Variants in RYR2 observed in about 807,000 individuals in gnomAD.
RYR2 encodes the protein ryanodine receptor 2, also known as cardiac muscle ryanodine receptor-calcium release channel.
In RYR2, 227 loss-of-function variants were observed where a neutral mutation model predicts 601.1. The observed-to-expected ratio is 0.38, with a 90% CI of 0.34 to 0.42. The LOEUF (loss-of-function observed/expected upper bound fraction) is 0.42, where lower values mean the gene tolerates loss of function less well. RYR2 is among the 10% of genes least tolerant of loss of function. RYR2 has a pLI of 1.00. For synonymous variants in RYR2, 2,223 were observed against 2,175.1 expected (o/e 1.02, Z -0.61); for missense variants, 4,646 against 6,156.5 (o/e 0.75, Z 8.21).
chr1:237,660,194 C>A, intron 55 of RYR2, 120 bp downstream of exon 55: 2 of 497,956 alleles, frequency 4.0e-6, no homozygotes, highest in Non-Finnish European at 6.4e-6. Flanking sequence ...TTTTTTCTTC[C>A]AAAGGTCCCG....
intron 10 of RYR2, among the ~76,000 whole-genome samples, chr1:237,414,131 G>T (rs1407174671): frequency 1.3e-5 from 2 of 151,988 alleles, no homozygotes; most frequent in Non-Finnish European, 2.9e-5. Flanking sequence ...CTTATTAAAG[G>T]TCAAATGTAT....
intron 16 of RYR2, among the ~76,000 whole-genome samples, chr1:237,466,935 A>T (rs1338851958): frequency 6.6e-6 from 1 of 151,626 alleles, no homozygotes; most frequent in Non-Finnish European, 1.5e-5. Flanking sequence ...CTAAATTCTG[A>T]CACGGTTCTG....
chr1:237,390,397 C>T (rs1257241001), intron 10 of RYR2, among the ~76,000 whole-genome samples: 1 of 152,158 alleles, frequency 6.6e-6, no homozygotes, highest in African/African-American at 2.4e-5. Context: ...ATGGTTTCCC[C>T]TCTTTGTAAA....
intron 2 of RYR2, among the ~76,000 whole-genome samples, chr1:237,292,037 T>C (rs548791185): frequency 1.3e-5 from 2 of 152,198 alleles, no homozygotes; most frequent in African/African-American, 2.4e-5. Flanking sequence ...ATATGGGAAC[T>C]CTCTGTGCCT....
At chr1:237,334,441 AT>A (rs1329107324) in intron 3 of RYR2, among the ~76,000 whole-genome samples, 3 of 50,134 alleles carry the variant, frequency 6.0e-5, no homozygotes, top group African/African-American at 1.9e-4. Flanking sequence ...TTTAATTAAA[AT>A]ATATATATAT....
At chr1:237,597,294 A>G (rs899574069) in intron 34 of RYR2, among the ~76,000 whole-genome samples, 1 of 144,666 alleles carries the variant, frequency 6.9e-6, no homozygotes, top group Non-Finnish European at 1.5e-5. Flanking sequence ...AGTCCAGAGT[A>G]TTTTTTTTTT....
intron 3 of RYR2, among the ~76,000 whole-genome samples, chr1:237,336,596 C>T (rs1022232889): frequency 2.6e-5 from 4 of 152,090 alleles, no homozygotes; most frequent in African/African-American, 7.2e-5. Flanking sequence ...TGGCTCACGC[C>T]TGTAATCCCA....
chr1:237,540,406 A>C (rs1669126003), intron 25 of RYR2, among the ~76,000 whole-genome samples: 1 of 152,174 alleles, frequency 6.6e-6, no homozygotes, highest in Non-Finnish European at 1.5e-5. Flanking sequence ...AGGCTGCTTG[A>C]GTGTTTAAAA....
chr1:237,657,551 A>G (rs1458093614), intron 53 of RYR2, among the ~76,000 whole-genome samples: 2 of 151,840 alleles, frequency 1.3e-5, no homozygotes, highest in Non-Finnish European at 2.9e-5. Flanking sequence ...TTATTTGTGG[A>G]CCATGTATAT....
intron 100 of RYR2, among the ~76,000 whole-genome samples, chr1:237,810,843 A>G (rs1219408445): frequency 6.6e-6 from 1 of 152,210 alleles, no homozygotes; most frequent in African/African-American, 2.4e-5. Flanking sequence ...ATTTAAAAAA[A>G]CAAGATCTTG....
chr1:237,453,517 A>G (rs1347577312), intron 14 of RYR2, among the ~76,000 whole-genome samples: 1 of 152,178 alleles, frequency 6.6e-6, no homozygotes, highest in Non-Finnish European at 1.5e-5. Flanking sequence ...AAATGTTACC[A>G]TACAGTTTTG....
At position 237,718,468 on chromosome 1, in the gene RYR2, A is replaced by G. The variant is rs1689443133; in HGVS notation, c.10501A>G (p.Thr3501Ala). Residue 3501 changes from threonine (T) to alanine (A), a missense_variant, in exon 73 of 105, where the codon ACC becomes GCC. Physicochemically the swap from Thr to Ala is moderately conservative, Grantham distance 58. Around this residue, in one of 17 missense-constraint regions of RYR2, gnomAD observed 1,497 missense variants for 1,842.6 expected, o/e 0.81. Coordinates refer to ENST00000366574, the MANE Select transcript of RYR2 (RefSeq NM_001035.3). The stretch of plus-strand genomic sequence containing the variant: ...AACATATATTTCTTGACAGAAAGAT[A>G]CCGAGGATGAAGTACGAGATATAAT... ...LAKNRFSLKDTEDEVRDIIRS... is the reference protein window; with the variant it reads ...LAKNRFSLKDAEDEVRDIIRS... 1 of 1,563,324 alleles carries G rather than the reference A, an allele frequency of 6.4e-7. No homozygotes were observed. Among genetic ancestry groups the G allele is most frequent in the Non-Finnish European group, 8.8e-7 (1 of 1,135,776 alleles).
chr1:237,271,431 T>A (rs1453172106), intron 2 of RYR2, among the ~76,000 whole-genome samples: 1 of 152,246 alleles, frequency 6.6e-6, no homozygotes, highest in Non-Finnish European at 1.5e-5. Context: ...TAATTATTCC[T>A]GATTCCTAAT....
chr1:237,268,438 G>T (rs1689286378), intron 1 of RYR2, among the ~76,000 whole-genome samples: 1 of 152,096 alleles, frequency 6.6e-6, no homozygotes, highest in Admixed American at 6.5e-5. Context: ...CACTGCACAT[G>T]AATTTATATT....
intron 10 of RYR2, among the ~76,000 whole-genome samples, chr1:237,415,774 G>A (rs1452341481): frequency 6.6e-6 from 1 of 152,140 alleles, no homozygotes; most frequent in East Asian, 1.9e-4. Flanking sequence ...ATTTGAAAAA[G>A]CAACAGGGGA....
intron 12 of RYR2, among the ~76,000 whole-genome samples, chr1:237,440,790 G>T (rs1309310805): frequency 6.6e-6 from 1 of 151,928 alleles, no homozygotes; most frequent in Non-Finnish European, 1.5e-5. Flanking sequence ...GTTTATCCCG[G>T]GGACACTATT....
intron 27 of RYR2, among the ~76,000 whole-genome samples, chr1:237,561,022 G>A (rs562355692): frequency 6.6e-6 from 1 of 152,268 alleles, no homozygotes; most frequent in South Asian, 2.1e-4. Context: ...GCAAGTAGGG[G>A]AAAAGCTAAT....
Position 237,640,889 on chromosome 1 carries a change from C to T in RYR2, c.7116-8C>T. 2 of 1,608,246 alleles carry T rather than the reference C, an allele frequency of 1.2e-6. No individual in the cohort carries two copies. The highest frequency in any genetic ancestry group is 1.7e-6 in the Non-Finnish European group (2 of 1,176,152). On this transcript the variant is annotated splice_polypyrimidine_tract_variant and splice_region_variant and intron_variant, in intron 46 of 104. Coordinates refer to ENST00000366574, the MANE Select transcript of RYR2 (RefSeq NM_001035.3). Reference sequence around the variant, plus strand: ...TGCTTTCTCTTTCTTTTGAAACATTCATGAAAGTGACACAGAGGAGGAGGA... The same window carrying T: ...TGCTTTCTCTTTCTTTTGAAACATTTATGAAAGTGACACAGAGGAGGAGGA...
At chr1:237,609,366 C>T (rs1222000277) in intron 35 of RYR2, among the ~76,000 whole-genome samples, 1 of 115,176 alleles carries the variant, frequency 8.7e-6, no homozygotes, top group Non-Finnish European at 1.7e-5. Context: ...TTCTCCCCTT[C>T]CCCCCTTCCC....
Sources: allele counts gnomAD v4.1 joint callset (sites outside exome capture counted in the v4.1 genomes callset), GRCh38; gene constraint gnomAD v4.1.1; regional missense constraint gnomAD v4.1.1; transcripts MANE v1.5; gene names NCBI Gene and HGNC (gene_info 2026-07-23, HGNC 2026-07-21).